STXBP4: variants seen among roughly 807,000 people sequenced by gnomAD.
STXBP4 encodes the protein syntaxin-binding protein 4.
In STXBP4, 55 loss-of-function variants were observed where a neutral mutation model predicts 76.1. The ratio of observed to expected loss-of-function variants is 0.72; its 90% CI spans 0.58 to 0.91. The LOEUF (loss-of-function observed/expected upper bound fraction) is 0.91. Among genes scored for constraint, STXBP4 ranks in the 40% least tolerant of loss-of-function variants. STXBP4 has a pLI of 0.00. For synonymous variants in STXBP4, 201 were observed against 220.2 expected (o/e 0.91, Z 0.77); for missense variants, 618 against 636.9 (o/e 0.97, Z 0.32).
chr17:55,007,241 A>G (rs988894687), intron 7 of STXBP4, among the ~76,000 whole-genome samples: 17 of 151,942 alleles, frequency 1.1e-4, no homozygotes, highest in African/African-American at 4.1e-4. Context: ...TGGGAGGCTG[A>G]GGCAGGAGAA....
chr17:55,028,845 G>C (rs943632576), intron 8 of STXBP4, among the ~76,000 whole-genome samples: 5 of 150,828 alleles, frequency 3.3e-5, no homozygotes, highest in Non-Finnish European at 7.4e-5. Flanking sequence ...ATCTCAAAAA[G>C]GAAAAAAAAG....
In STXBP4 at chr17:54,986,464, A is replaced by G. The variant is rs75306370; in HGVS notation, c.47+198A>G. Among the ~76,000 whole-genome samples the G allele has an allele frequency of 4.5e-3, 682 of 152,212 alleles. 3 individuals are homozygous for G. Among genetic ancestry groups the G allele is most frequent in the African/African-American group, 0.015 (621 of 41,540 alleles). On this transcript the variant is annotated intron_variant, in intron 3 of 17. Transcript: ENST00000376352. ...AGAACAAAATCTGCATTCTCTTTTA[A>G]GTCATCTGTGCAGGCACGGTAGGGC...
At chr17:55,067,525 T>C (rs1274440390) in intron 12 of STXBP4, among the ~76,000 whole-genome samples, 4 of 149,670 alleles carry the variant, frequency 2.7e-5, no homozygotes, top group Non-Finnish European at 5.9e-5. Context: ...ATGGGAATCA[T>C]GTGAGAGTTA....
chr17:54,982,050 T>C (rs1334849898), intron 1 of STXBP4, among the ~76,000 whole-genome samples: 1 of 152,182 alleles, frequency 6.6e-6, no homozygotes, highest in Admixed American at 6.5e-5. Flanking sequence ...GGCACTATAG[T>C]TGGTGAGATA....
intron 16 of STXBP4, among the ~76,000 whole-genome samples, chr17:55,125,479 C>CAAAAA (rs10632680): frequency 0.018 from 1,669 of 91,560 alleles, 65 homozygotes; most frequent in African/African-American, 0.019. Context: ...GGACAAAATA[C>CAAAAA]AAAAAAAAAA....
the STXBP4 span, among the ~76,000 whole-genome samples, chr17:55,198,677 C>A: frequency 6.6e-6 from 1 of 152,140 alleles, no homozygotes; most frequent in African/African-American, 2.4e-5. Context: ...GATATAAAAT[C>A]GATTCACCAA....
intron 8 of STXBP4, among the ~76,000 whole-genome samples, chr17:55,017,793 G>C (rs1271732786): frequency 3.3e-5 from 5 of 152,168 alleles, no homozygotes; most frequent in Non-Finnish European, 7.4e-5. Context: ...TCCCAACCCA[G>C]AAGGGTTGGG....
At chr17:55,131,775 G>T (rs1302740957) in intron 16 of STXBP4, among the ~76,000 whole-genome samples, 1 of 151,992 alleles carries the variant, frequency 6.6e-6, no homozygotes, top group African/African-American at 2.4e-5. Flanking sequence ...ACCCACCCCT[G>T]CCTTAAGACA....
At chr17:55,054,517 T>C (rs1211291022) in intron 12 of STXBP4, among the ~76,000 whole-genome samples, 1 of 152,066 alleles carries the variant, frequency 6.6e-6, no homozygotes. Context: ...ACACAGTGAA[T>C]TGGCCTAAGG....
intron 12 of STXBP4, among the ~76,000 whole-genome samples, chr17:55,066,570 A>T (rs1324875626): frequency 6.6e-6 from 1 of 152,200 alleles, no homozygotes; most frequent in Non-Finnish European, 1.5e-5. Context: ...TCATAATTTT[A>T]AAATCTTATA....
At chr17:54,990,367 A>G (rs773665838) in intron 3 of STXBP4, among the ~76,000 whole-genome samples, 3 of 152,104 alleles carry the variant, frequency 2.0e-5, no homozygotes, top group Non-Finnish European at 4.4e-5. Context: ...CAATGGCGGC[A>G]TTCAATGCTC....
rs539702023 is a variant in STXBP4, at chr17:55,052,964, T to C, written c.1011+5810T>C. Among the ~76,000 whole-genome samples the C allele has an allele frequency of 1.1e-4, 15 of 137,974 alleles. No individual in the cohort carries two copies. The East Asian group carries it at 3.0e-3, about 27-fold the overall frequency. The allele number at this position is 137,974 out of a possible 152,430, so 90.5% of individuals were successfully genotyped here. ...GTGTGTGTGTGTGGGTTGTATTCTTTAGAAATGTCAATGCTATTTTCTTAA... is the reference window on the plus strand; with the variant it reads ...GTGTGTGTGTGTGGGTTGTATTCTTCAGAAATGTCAATGCTATTTTCTTAA... On this transcript the variant is annotated intron_variant, in intron 12 of 17. Coordinates refer to ENST00000376352, the MANE Select transcript of STXBP4 (RefSeq NM_178509.6).
intron 16 of STXBP4, among the ~76,000 whole-genome samples, chr17:55,111,833 C>G (rs759997012): frequency 2.0e-5 from 3 of 152,168 alleles, no homozygotes; most frequent in Non-Finnish European, 4.4e-5. Context: ...ATACACTGTT[C>G]CACCTGCCTG....
chr17:55,138,214 G>T (rs2080056945), intron 16 of STXBP4, among the ~76,000 whole-genome samples: 1 of 151,730 alleles, frequency 6.6e-6, no homozygotes, highest in Admixed American at 6.6e-5. Context: ...ATGATCAAGG[G>T]TCATGTCTAT....
downstream of STXBP4, among the ~76,000 whole-genome samples, chr17:55,173,786 C>T (rs1237587944): frequency 4.6e-5 from 7 of 152,180 alleles, no homozygotes; most frequent in Non-Finnish European, 1.0e-4. Context: ...TATTATCTTA[C>T]AGTTTTGTAG....
chr17:55,191,293 C>A, the STXBP4 span, among the ~76,000 whole-genome samples: 3 of 152,196 alleles, frequency 2.0e-5, no homozygotes, highest in South Asian at 6.2e-4. Context: ...GCATATGTGC[C>A]ACCTGGGAGC....
chr17:55,069,211 C>T (rs565882567), intron 12 of STXBP4, among the ~76,000 whole-genome samples: 1 of 150,164 alleles, frequency 6.7e-6, no homozygotes, highest in East Asian at 1.9e-4. Flanking sequence ...GGATTCCCTT[C>T]TAGTATGTTT....
intron 16 of STXBP4, 135 bp downstream of exon 16, chr17:55,081,318 CCAAT>C: frequency 1.7e-6 from 1 of 584,650 alleles, no homozygotes; most frequent in Non-Finnish European, 2.6e-6. Flanking sequence ...TATTAATGTA[CCAAT>C]CATAGGAGGA....
chr17:55,052,104 C>T (rs1051427828), intron 12 of STXBP4, among the ~76,000 whole-genome samples: 4 of 151,970 alleles, frequency 2.6e-5, no homozygotes, highest in African/African-American at 9.7e-5. Context: ...AAACAGACAC[C>T]CTAATAACAG....
Sources: gnomAD v4.1 joint callset for allele counts (sites outside exome capture counted in the v4.1 genomes callset) on GRCh38, gnomAD v4.1.1 for gene constraint, MANE v1.5 for transcripts, NCBI Gene and HGNC (gene_info 2026-07-23, HGNC 2026-07-21) for gene names.